Variants in RIMS1 observed in about 807,000 individuals in gnomAD.
RIMS1 encodes regulating synaptic membrane exocytosis protein 1.
A neutral mutation model predicts 214.1 loss-of-function variants in RIMS1; 83 were observed. The ratio of observed to expected loss-of-function variants is 0.39; its 90% confidence interval spans 0.32 to 0.47. RIMS1 has a LOEUF of 0.47. Ranked by LOEUF, RIMS1 falls within the 20% of genes least tolerant of loss-of-function variation. The pLI is 0.99. For synonymous variants in RIMS1, 793 were observed against 786.8 expected (o/e 1.01, Z -0.13); for missense variants, 2,050 against 2,161.8 (o/e 0.95, Z 1.03).
At chr6:72,005,920 C>G (rs979208540) in intron 2 of RIMS1, among the ~76,000 whole-genome samples, 1 of 152,170 alleles carries the variant, frequency 6.6e-6, no homozygotes, top group Non-Finnish European at 1.5e-5. Flanking sequence ...AAGTCTTAGT[C>G]AATTCAAGTT....
chr6:71,977,199 C>G lies in RIMS1; in HGVS notation c.245+8136C>G, dbSNP rs1583962891. Among the ~76,000 whole-genome samples, 2 of 152,146 alleles carry G rather than the reference C, an allele frequency of 1.3e-5. 1 individual carries two copies. Among genetic ancestry groups the G allele is most frequent in the African/African-American group, 4.8e-5 (2 of 41,450 alleles). On this transcript the variant is annotated intron_variant, in intron 2 of 33. Transcript: ENST00000521978. ...CCTATAAACATTGGAAACTGGCCCA[C>G]CTTTCTCTGTTTTGGGAGCTCTTGC...
At chr6:71,914,618 T>A (rs1313464048) in intron 1 of RIMS1, among the ~76,000 whole-genome samples, 1 of 152,172 alleles carries the variant, frequency 6.6e-6, no homozygotes, top group South Asian at 2.1e-4. Context: ...TATAAACCTA[T>A]GTTAGCTAAC....
At chr6:72,338,560 C>A (rs984108650) in intron 29 of RIMS1, among the ~76,000 whole-genome samples, 1 of 151,894 alleles carries the variant, frequency 6.6e-6, no homozygotes, top group South Asian at 2.1e-4. Flanking sequence ...AAATTTTTGC[C>A]ACCTACTCAT....
At chr6:72,215,231 G>T (rs2055330425) in intron 6 of RIMS1, among the ~76,000 whole-genome samples, 1 of 152,156 alleles carries the variant, frequency 6.6e-6, no homozygotes, top group Non-Finnish European at 1.5e-5. Flanking sequence ...CTTAAGTTCA[G>T]CAAGTATAAG....
intron 29 of RIMS1, among the ~76,000 whole-genome samples, chr6:72,361,352 C>T (rs1202374432): frequency 6.6e-6 from 1 of 151,512 alleles, no homozygotes; most frequent in Admixed American, 6.6e-5. Flanking sequence ...GTGATCCACC[C>T]GCCTCGGCCT....
chr6:72,124,811 A>G (rs1409274246), intron 4 of RIMS1, among the ~76,000 whole-genome samples: 3 of 152,054 alleles, frequency 2.0e-5, no homozygotes, highest in Admixed American at 1.3e-4. Context: ...TTCTCATGCC[A>G]TGGTTTTCAG....
intron 2 of RIMS1, among the ~76,000 whole-genome samples, chr6:72,080,074 TAAAAAAAAAAAAAAAAA>T (rs770845471): frequency 2.2e-4 from 5 of 22,400 alleles, no homozygotes; most frequent in Admixed American, 8.2e-4. Flanking sequence ...GTGTCTCTAC[TAAAAAAAAAAAAAAAAA>T]AAAAAAAAAA....
Position 72,166,030 on chromosome 6 carries a change from C to T in RIMS1, c.472-13545C>T, listed in dbSNP as rs141449906. 5.7e-4 allele frequency among the ~76,000 whole-genome samples: 86 copies of T among 152,178 alleles called. No homozygotes were observed. The East Asian group carries it at 8.7e-3, about 15-fold the overall frequency. ...ACCATAAGCTGGGTAGCTTAAATAACGTAAAATTATTTTCTCACAGTTCTG... is the reference window on the plus strand; with the variant it reads ...ACCATAAGCTGGGTAGCTTAAATAATGTAAAATTATTTTCTCACAGTTCTG... On this transcript the variant is annotated intron_variant, in intron 4 of 33. Transcript: ENST00000521978.
chr6:72,126,657 C>A, intron 4 of RIMS1: 3 of 245,780 alleles, frequency 1.2e-5, no homozygotes, highest in South Asian at 4.6e-5. Context: ...ATACAAGTGG[C>A]AAACAAATAT....
At chr6:72,044,807 A>AT (rs1200348139) in intron 2 of RIMS1, among the ~76,000 whole-genome samples, 1 of 151,946 alleles carries the variant, frequency 6.6e-6, no homozygotes, top group Admixed American at 6.6e-5. Flanking sequence ...CAATTCCTTA[A>AT]GTTAAATATA....
intron 22 of RIMS1, among the ~76,000 whole-genome samples, chr6:72,266,836 A>C (rs1206062328): frequency 6.6e-6 from 1 of 152,028 alleles, no homozygotes; most frequent in African/African-American, 2.4e-5. Context: ...TCTCTTTTTA[A>C]TTAGAAGTCA....
intron 6 of RIMS1, among the ~76,000 whole-genome samples, chr6:72,198,946 A>G (rs1003639805): frequency 2.0e-5 from 3 of 152,022 alleles, no homozygotes; most frequent in Non-Finnish European, 2.9e-5. Flanking sequence ...ACCCAAGAAA[A>G]CTGAATAATA....
chr6:72,159,600 C>G (rs2045000725), intron 4 of RIMS1, among the ~76,000 whole-genome samples: 1 of 140,698 alleles, frequency 7.1e-6, no homozygotes, highest in African/African-American at 2.5e-5. Context: ...TTTCAGCTTT[C>G]TACATATGGC....
At chr6:72,051,366 G>A (rs1417724355) in intron 2 of RIMS1, among the ~76,000 whole-genome samples, 3 of 152,230 alleles carry the variant, frequency 2.0e-5, no homozygotes, top group East Asian at 1.9e-4. Context: ...AATAGTGAAC[G>A]TTTACTATGT....
chr6:71,981,104 T>G (rs543139490), intron 2 of RIMS1, among the ~76,000 whole-genome samples: 4 of 152,202 alleles, frequency 2.6e-5, no homozygotes, highest in Admixed American at 2.6e-4. Context: ...TGCTCACCAG[T>G]CTAAGTTCTG....
chr6:71,990,460 T>C (rs1044489761), intron 2 of RIMS1, among the ~76,000 whole-genome samples: 1 of 152,188 alleles, frequency 6.6e-6, no homozygotes, highest in Non-Finnish European at 1.5e-5. Flanking sequence ...TAAATACATT[T>C]AATGAAGCCT....
At chr6:72,245,515 A>T (rs1049728490) in intron 10 of RIMS1, among the ~76,000 whole-genome samples, 1 of 152,046 alleles carries the variant, frequency 6.6e-6, no homozygotes, top group Admixed American at 6.6e-5. Flanking sequence ...AACATTTTTT[A>T]TTTCCAAAAC....
intron 27 of RIMS1, among the ~76,000 whole-genome samples, chr6:72,312,232 T>G (rs961549320): frequency 6.6e-6 from 1 of 152,312 alleles, no homozygotes; most frequent in Middle Eastern, 3.4e-3. Flanking sequence ...AATAAACATT[T>G]GATATTTCAT....
chr6:72,079,000 G>A (rs1371654018), intron 2 of RIMS1, among the ~76,000 whole-genome samples: 1 of 152,062 alleles, frequency 6.6e-6, no homozygotes, highest in African/African-American at 2.4e-5. Context: ...CTAAGAAAAG[G>A]TGGAATCTAT....
Sources: allele counts gnomAD v4.1 joint callset (sites outside exome capture counted in the v4.1 genomes callset), GRCh38; gene constraint gnomAD v4.1.1; transcripts MANE v1.5; gene names NCBI Gene and HGNC (gene_info 2026-07-23, HGNC 2026-07-21).